SNX24: variants seen among roughly 807,000 people sequenced by gnomAD.
SNX24 encodes the protein sorting nexin-24.
Under a neutral mutation model 28.7 loss-of-function variants are expected in SNX24, and 22 were observed. That is an observed-to-expected ratio of 0.77 (90% CI 0.55 to 1.10). The LOEUF is 1.10. Ranked by LOEUF, SNX24 falls within the 50% of genes least tolerant of loss-of-function variation. The pLI is 0.00. For missense variants in SNX24, 221 were observed against 201.1 expected, an observed-to-expected ratio of 1.10 and a Z score of -0.60; for synonymous variants, 69 against 71.5, an observed-to-expected ratio of 0.96 and a Z score of 0.18.
intron 1 of SNX24, among the ~76,000 whole-genome samples, chr5:122,907,626 C>G (rs1757697082): frequency 6.6e-6 from 1 of 152,086 alleles, no homozygotes; most frequent in Admixed American, 6.6e-5. Context: ...TCTACACTGG[C>G]AATGAATGGG....
chr5:122,956,365 T>TACAC (rs1460162398), intron 3 of SNX24, among the ~76,000 whole-genome samples: 5 of 61,398 alleles, frequency 8.1e-5, no homozygotes, highest in Admixed American at 1.9e-4. Context: ...AAAAAAAATA[T>TACAC]ATACACACAC....
At chr5:123,028,934 G>A (rs1484236198) in intron 5 of SNX24, 1 of 1,326,846 alleles carries the variant, frequency 7.5e-7, no homozygotes, top group African/African-American at 1.5e-5. Context: ...ACTCAGTGTT[G>A]ATCTAGAAAG....
At chr5:123,012,307 C>A (rs1455360187), downstream of SNX24, among the ~76,000 whole-genome samples, 5 of 152,096 alleles carry the variant, frequency 3.3e-5, no homozygotes, top group African/African-American at 9.7e-5. Flanking sequence ...TGGAAACAAC[C>A]CAAGTGTCCG....
intron 5 of SNX24, among the ~76,000 whole-genome samples, chr5:123,021,001 C>CCCTG (rs148235776): frequency 0.043 from 6,567 of 152,246 alleles, 203 homozygotes; most frequent in Non-Finnish European, 0.067. Flanking sequence ...CCCTCTTGCA[C>CCCTG]CTCCCCTGCT....
At chr5:122,856,505 G>A (rs968968194) in intron 1 of SNX24, among the ~76,000 whole-genome samples, 14 of 150,826 alleles carry the variant, frequency 9.3e-5, no homozygotes, top group Admixed American at 2.7e-4. Context: ...GGAATGCTGG[G>A]TCAAATGGTA....
intron 3 of SNX24, among the ~76,000 whole-genome samples, chr5:122,982,638 G>C (rs1298691224): frequency 6.6e-6 from 1 of 152,136 alleles, no homozygotes; most frequent in Non-Finnish European, 1.5e-5. Context: ...ATTTAGGTTG[G>C]CCTTTTAGAT....
At chr5:122,876,232 T>A (rs950525638) in intron 1 of SNX24, among the ~76,000 whole-genome samples, 1 of 152,196 alleles carries the variant, frequency 6.6e-6, no homozygotes, top group East Asian at 1.9e-4. Flanking sequence ...ATTTTGAAAG[T>A]GTATATATTT....
At chr5:122,928,624 G>A (rs553586074) in intron 1 of SNX24, among the ~76,000 whole-genome samples, 1 of 151,944 alleles carries the variant, frequency 6.6e-6, no homozygotes, top group East Asian at 2.0e-4. Flanking sequence ...AAAAGGTGGG[G>A]GCCTCAGTCT....
chr5:122,946,395 T>G (rs1036824100), intron 3 of SNX24, among the ~76,000 whole-genome samples: 1 of 152,204 alleles, frequency 6.6e-6, no homozygotes, highest in Admixed American at 6.5e-5. Flanking sequence ...AGGTGAAAAC[T>G]GTTGAGGAGA....
intron 2 of SNX24, among the ~76,000 whole-genome samples, chr5:122,937,757 T>G (rs1759238960): frequency 6.6e-6 from 1 of 152,144 alleles, no homozygotes; most frequent in Non-Finnish European, 1.5e-5. Context: ...CCAGGTTGAC[T>G]TGGAAAATAA....
At chr5:122,864,967 G>A (rs887241566) in intron 1 of SNX24, among the ~76,000 whole-genome samples, 4 of 152,246 alleles carry the variant, frequency 2.6e-5, no homozygotes, top group African/African-American at 2.4e-5. Context: ...AGGTCAGCCT[G>A]CACTCAGGAA....
chr5:122,901,134 G>A (rs1336420559), intron 1 of SNX24, among the ~76,000 whole-genome samples: 1 of 150,818 alleles, frequency 6.6e-6, no homozygotes, highest in South Asian at 2.1e-4. Flanking sequence ...CTGAAAGGTG[G>A]AGGTGGCAGT....
intron 1 of SNX24, among the ~76,000 whole-genome samples, chr5:122,929,539 A>T (rs771479128): frequency 6.6e-6 from 1 of 151,724 alleles, no homozygotes; most frequent in African/African-American, 2.4e-5. Context: ...TTCTTTTCTT[A>T]TTATTCTGTA....
In SNX24 at chr5:122,903,115, G is replaced by T. The variant is rs971446584; in HGVS notation, c.61-33619G>T. 7.7e-4 allele frequency among the ~76,000 whole-genome samples: 116 copies of T among 149,996 alleles called. 3 individuals carry two copies. Among genetic ancestry groups the T allele is most frequent in the Non-Finnish European group, 3.1e-4 (21 of 67,450 alleles). On this transcript the variant is annotated intron_variant, in intron 1 of 6. Coordinates refer to ENST00000261369, the MANE Select transcript of SNX24 (RefSeq NM_014035.4). The stretch of plus-strand genomic sequence containing the variant: ...CTCTCCTTTGTACGTTTTTTTGTTT[G>T]TTTTTTTTTGATACAGCGTCTTAGT...
intron 1 of SNX24, among the ~76,000 whole-genome samples, chr5:122,875,366 A>G (rs753429698): frequency 3.2e-4 from 49 of 152,372 alleles, no homozygotes; most frequent in Non-Finnish European, 6.6e-4. Flanking sequence ...TATGGGGAAA[A>G]TGTGTGTGTC....
At chr5:122,992,731 C>T (rs1351427586) in intron 3 of SNX24, among the ~76,000 whole-genome samples, 1 of 152,200 alleles carries the variant, frequency 6.6e-6, no homozygotes, top group Non-Finnish European at 1.5e-5. Flanking sequence ...ATCTTTCCTA[C>T]CCAATGGTAA....
intron 1 of SNX24, among the ~76,000 whole-genome samples, chr5:122,892,110 A>G (rs539363611): frequency 2.3e-4 from 35 of 152,312 alleles, no homozygotes; most frequent in Admixed American, 6.5e-4. Context: ...CAGTATAAGG[A>G]CATCTTATAT....
At chr5:123,026,945 A>G (rs1762868055) in intron 5 of SNX24, among the ~76,000 whole-genome samples, 1 of 152,196 alleles carries the variant, frequency 6.6e-6, no homozygotes, top group Non-Finnish European at 1.5e-5. Context: ...CTGTAATCCC[A>G]GCACTTTGGG....
intron 1 of SNX24, among the ~76,000 whole-genome samples, chr5:122,898,636 A>G (rs192072048): frequency 2.4e-4 from 37 of 152,334 alleles, no homozygotes; most frequent in African/African-American, 8.2e-4. Context: ...TAGCTGAATC[A>G]ATAACATTTT....
Sources: gnomAD v4.1 joint callset for allele counts (sites outside exome capture counted in the v4.1 genomes callset) on GRCh38, gnomAD v4.1.1 for gene constraint, MANE v1.5 for transcripts, NCBI Gene and HGNC (gene_info 2026-07-23, HGNC 2026-07-21) for gene names.